The following GSN variants were observed in gnomAD, a reference collection of about 807,000 sequenced individuals.
GSN encodes the protein actin-depolymerizing factor.
Under a neutral mutation model 85.7 loss-of-function variants are expected in GSN, and 56 were observed. The ratio of observed to expected loss-of-function variants is 0.65; its 90% CI spans 0.53 to 0.82. The LOEUF (loss-of-function observed/expected upper bound fraction) is 0.82, where lower values mean the gene tolerates loss of function less well. Ranked by LOEUF, GSN falls within the 40% of genes least tolerant of loss-of-function variation. The pLI is 0.00. For missense variants in GSN, 857 were observed against 979.8 expected (o/e 0.87, Z 1.67); for synonymous variants, 373 against 399.1 (o/e 0.93, Z 0.78).
chr9:121,260,980 G>A (rs947059779), intron 6 of GSN, among the ~76,000 whole-genome samples: 2 of 152,186 alleles, frequency 1.3e-5, no homozygotes, highest in Non-Finnish European at 2.9e-5. Context: ...TTTGTTTTAA[G>A]TTTCTCTAAA....
intron 5 of GSN, chr9:121,239,542 C>T (rs1370420954): frequency 3.4e-6 from 1 of 291,236 alleles, no homozygotes; most frequent in Admixed American, 4.2e-5. Context: ...TGTGTAGTAA[C>T]CCAGCAGCAG....
chr9:121,332,425 T>G lies in GSN; in HGVS notation c.2027-9T>G. ...CTGGGGTTTCCTTTTCTTGCACGTG[T>G]GTCTGCAGCTAAGCGGTACATCGAG... On this transcript the variant is annotated splice_polypyrimidine_tract_variant and intron_variant, in intron 17 of 17. Transcript: ENST00000432226. This position sits in a 1 kb window ranked among gnomAD's most constrained non-coding sequence, Gnocchi z 4.8. 4.3e-6 allele frequency: 7 copies of G among 1,613,700 alleles called. No individual in the cohort carries two copies. Among genetic ancestry groups the G allele is most frequent in the Non-Finnish European group, 5.9e-6 (7 of 1,179,554 alleles).
chr9:121,205,058 G>A (rs2053860696), upstream of GSN, among the ~76,000 whole-genome samples: 1 of 152,206 alleles, frequency 6.6e-6, no homozygotes, highest in South Asian at 2.1e-4. Flanking sequence ...ATTCTACACT[G>A]AAAAAACTGC....
chr9:121,240,998 G>C (rs1452408821), intron 5 of GSN, among the ~76,000 whole-genome samples: 1 of 152,146 alleles, frequency 6.6e-6, no homozygotes, highest in African/African-American at 2.4e-5. Context: ...ATTCCATCTT[G>C]AAAACAAGGG....
intron 2 of GSN, chr9:121,209,499 C>T (rs1482572683): frequency 2.0e-5 from 3 of 152,100 alleles, no homozygotes; most frequent in Non-Finnish European, 4.4e-5. Flanking sequence ...ACATGAGGGA[C>T]CCAAACTGAC....
chr9:121,284,565 CA>C (rs2057824182), intron 2 of GSN: 1 of 166,848 alleles, frequency 6.0e-6, no homozygotes, highest in Admixed American at 6.5e-5. Flanking sequence ...ACTTGAGAGT[CA>C]AAGAAGGCTG....
At position 121,326,659 on chromosome 9, in the gene GSN, G is replaced by T. The variant is rs1387577221; in HGVS notation, c.1564G>T (p.Ala522Ser). The T allele has an allele frequency of 2.5e-6, 4 of 1,608,596 alleles. No individual in the cohort carries two copies. The highest frequency in any genetic ancestry group is 2.2e-5 in the South Asian group (2 of 90,392). ...CCTCTTCCAGGTCCGCGCCAACAGC[G>T]CTGGAGCCACCCGGGCTGTTGAGGT... ...TRLFQVRANS[A>S]GATRAVEVLP... is the part of the protein sequence containing the mutation. The change falls in exon 13 of 18, where the codon GCT (alanine) becomes TCT (serine). Residue 522 changes from alanine to serine, a missense_variant. Ala to Ser is a moderately conservative substitution (Grantham distance 99). Transcript: ENST00000432226.
In GSN at chr9:121,332,565, G is replaced by T; in HGVS notation, c.2158G>T (p.Asp720Tyr). 6.2e-7 allele frequency: 1 copy of T among 1,614,092 alleles called. No individual in the cohort carries two copies. Among genetic ancestry groups the T allele is most frequent in the Non-Finnish European group, 8.5e-7 (1 of 1,180,014 alleles). The change falls in exon 18 of 18, where the codon GAC becomes TAC. Residue 720 changes from aspartate to tyrosine, a missense_variant. Asp to Tyr is a radical substitution (Grantham distance 160). Transcript: ENST00000432226. This position sits in a 1 kb window ranked among gnomAD's most constrained non-coding sequence, Gnocchi z 4.8. The part of the protein sequence containing the change: ...LGWDDDYWSV[D>Y]PLDRAMAELA... ...CTGGGATGATGATTACTGGTCTGTG[G>T]ACCCCTTGGACAGGGCCATGGCTGA...
At chr9:121,241,741 T>C (rs2054609415) in intron 5 of GSN, among the ~76,000 whole-genome samples, 1 of 152,220 alleles carries the variant, frequency 6.6e-6, no homozygotes, top group South Asian at 2.1e-4. Flanking sequence ...ACACCTCTTA[T>C]TAAACTCGGA....
intron 5 of GSN, among the ~76,000 whole-genome samples, chr9:121,237,130 AG>A (rs1214899977): frequency 6.6e-6 from 1 of 152,246 alleles, no homozygotes; most frequent in East Asian, 1.9e-4. Context: ...GCTGTGCAAA[AG>A]TTGCAGGATT....
chr9:121,249,004 G>A (rs911705263), intron 6 of GSN, among the ~76,000 whole-genome samples: 1 of 152,152 alleles, frequency 6.6e-6, no homozygotes, highest in Non-Finnish European at 1.5e-5. Flanking sequence ...GAGATTGGGG[G>A]CACTGAGGCC....
At chr9:121,277,596 C>G (rs1048487071) in intron 1 of GSN, among the ~76,000 whole-genome samples, 1 of 152,080 alleles carries the variant, frequency 6.6e-6, no homozygotes, top group Non-Finnish European at 1.5e-5. Flanking sequence ...TCTTTGACAT[C>G]TGACTTATCT....
chr9:121,238,989 C>T (rs1032704843), intron 5 of GSN: 8 of 521,822 alleles, frequency 1.5e-5, no homozygotes, highest in Non-Finnish European at 3.1e-5. Flanking sequence ...GTGGGTAAAT[C>T]TCTCTCTTGT....
chr9:121,211,458 C>T (rs2053966622), intron 4 of GSN, among the ~76,000 whole-genome samples: 1 of 152,174 alleles, frequency 6.6e-6, no homozygotes, highest in Non-Finnish European at 1.5e-5. Context: ...ATCCTTTAGC[C>T]ACTATGTAAG....
At chr9:121,323,068 C>T (rs1465150208) in intron 11 of GSN, among the ~76,000 whole-genome samples, 2 of 152,086 alleles carry the variant, frequency 1.3e-5, no homozygotes, top group Admixed American at 6.5e-5. Flanking sequence ...CTCCTCTAAG[C>T]GATCTGCCTG....
At chr9:121,239,633 G>A in intron 5 of GSN, 1 of 282,234 alleles carries the variant, frequency 3.5e-6, no homozygotes. Flanking sequence ...TGTCCTCTGG[G>A]TAGATTTGAC....
intron 4 of GSN, among the ~76,000 whole-genome samples, chr9:121,224,305 T>C (rs757737810): frequency 6.6e-6 from 1 of 151,650 alleles, no homozygotes; most frequent in Non-Finnish European, 1.5e-5. Context: ...TTTACTGTGT[T>C]AGCCAGGATG....
chr9:121,214,190 TTTCC>T (rs60742470), intron 4 of GSN, among the ~76,000 whole-genome samples: 10,566 of 151,502 alleles, frequency 0.07, 633 homozygotes, highest in Admixed American at 0.16. Flanking sequence ...TCCTCCTTTC[TTTCC>T]TTCCTTCCTT....
intron 7 of GSN, among the ~76,000 whole-genome samples, chr9:121,315,903 A>G (rs2061657981): frequency 6.6e-6 from 1 of 152,232 alleles, no homozygotes; most frequent in Admixed American, 6.5e-5. Context: ...TTTCCTTGTG[A>G]ATGAGACAGG....
Sources: gnomAD v4.1 joint callset for allele counts (sites outside exome capture counted in the v4.1 genomes callset) on GRCh38, gnomAD v4.1.1 for gene constraint, Gnocchi (gnomAD v3.1) non-coding constraint, MANE v1.5 for transcripts, NCBI Gene and HGNC (gene_info 2026-07-23, HGNC 2026-07-21) for gene names.